NEB: variants seen among roughly 807,000 people sequenced by gnomAD.
NEB encodes the protein nemaline myopathy type 2.
In NEB, 512 loss-of-function variants were observed where a neutral mutation model predicts 952.2. That is an observed-to-expected ratio of 0.54 (90% CI 0.50 to 0.58). The LOEUF (loss-of-function observed/expected upper bound fraction) is 0.58. Ranked by LOEUF, NEB falls within the 20% of genes least tolerant of loss-of-function variation. NEB has a pLI of 0.00. For synonymous variants in NEB, 2,900 were observed against 3,149.8 expected, an observed-to-expected ratio of 0.92 and a Z score of 2.66; for missense variants, 8,428 against 9,231.1, an observed-to-expected ratio of 0.91 and a Z score of 3.56.
In NEB at chr2:151,727,682, G is replaced by T. The variant is rs1359644805; in HGVS notation, c.294+9C>A. On this transcript the variant is annotated intron_variant, in intron 5 of 181. Coordinates refer to ENST00000397345, the MANE Select transcript of NEB (RefSeq NM_001164508.2). ...CAAGCCAGGTTAGCAGAAGTTGTTT[G>T]AAACTTACTGGGCTAAAAAGATCCT... 2 of 1,607,656 alleles carry T rather than the reference G, an allele frequency of 1.2e-6. No individual in the cohort carries two copies. The highest frequency in any genetic ancestry group is 1.7e-6 in the Non-Finnish European group (2 of 1,174,830).
Position 151,678,092 on chromosome 2 carries a change from C to T in NEB, c.3351G>A (p.Val1117=). 1.2e-6 allele frequency: 2 copies of T among 1,613,798 alleles called. No individual in the cohort carries two copies. Among genetic ancestry groups the T allele is most frequent in the Non-Finnish European group, 1.7e-6 (2 of 1,179,764 alleles). ...DDPKLVHYMN[V]AKIQSDREYK... ...ACTCCCGATCTGATTGTATCTTGGC[C>T]ACGTTCATATAATGAACCAGTTTAG... is the stretch of plus-strand genomic sequence containing the variant. The change falls in exon 33 of 182, where the codon GTG becomes GTA. Residue 1117 remains valine (V), a synonymous_variant. Transcript: ENST00000397345.
Position 151,612,184 on chromosome 2 carries a change from A to G in NEB, c.11805+2T>C. On this transcript the variant is annotated splice_donor_variant, in intron 78 of 181. Transcript: ENST00000397345. LOFTEE classifies it high-confidence loss of function. ...GGCAACAGAAAACAGCTGGAGACTCACCTTGCTCATTGTCAGGGCATTATT... is the reference window on the plus strand; with the variant it reads ...GGCAACAGAAAACAGCTGGAGACTCGCCTTGCTCATTGTCAGGGCATTATT... 6.2e-7 allele frequency: 1 copy of G among 1,612,546 alleles called. No individual in the cohort carries two copies. The highest frequency in any genetic ancestry group is 8.5e-7 in the Non-Finnish European group (1 of 1,178,950).
intron 12 of NEB, among the ~76,000 whole-genome samples, chr2:151,708,791 T>C (rs1323346868): frequency 1.3e-5 from 2 of 152,184 alleles, no homozygotes; most frequent in African/African-American, 4.8e-5. Context: ...ACTTCTTCCA[T>C]AGTCTTCCCT....
rs1031020538 is a variant in NEB, at chr2:151,638,813, G to C, written c.8994+467C>G. On this transcript the variant is annotated intron_variant, in intron 63 of 181. Transcript: ENST00000397345. The stretch of plus-strand genomic sequence containing the variant: ...GACAGATATTTCTCTCTCTCTGTGT[G>C]TGTGTGTGTGTGTGTGTGTGTGTGT... Among the ~76,000 whole-genome samples the C allele has an allele frequency of 1.9e-3, 229 of 118,430 alleles. 1 individual carries two copies. The highest frequency in any genetic ancestry group is 0.011 in the South Asian group (48 of 4,350). The allele number at this position is 118,430 out of a possible 152,430, so 77.7% of individuals were successfully genotyped here. A position where few individuals can be genotyped will look rare whatever the true frequency, so the allele number is the denominator to read the frequency against.
intron 34 of NEB, among the ~76,000 whole-genome samples, chr2:151,676,253 C>T (rs2099358328): frequency 6.6e-6 from 1 of 152,184 alleles, no homozygotes; most frequent in South Asian, 2.1e-4. Flanking sequence ...TCCTCATTGC[C>T]TTTAAGAACA....
chr2:151,691,765 TA>T, intron 23 of NEB, 98 bp downstream of exon 23: 1 of 917,038 alleles, frequency 1.1e-6, no homozygotes, highest in Non-Finnish European at 1.7e-6. Flanking sequence ...TATCTCCTTC[TA>T]ATCACTAGAT....
intron 135 of NEB, among the ~76,000 whole-genome samples, chr2:151,542,925 A>G (rs571975658): frequency 6.6e-6 from 1 of 152,218 alleles, no homozygotes; most frequent in Non-Finnish European, 1.5e-5. Context: ...GCATCCTTCC[A>G]CACCCTCCAT....
intron 107 of NEB, among the ~76,000 whole-genome samples, chr2:151,571,169 CT>C (rs1278410867): frequency 2.0e-5 from 3 of 152,162 alleles, no homozygotes; most frequent in African/African-American, 7.2e-5. Context: ...CCAGGCCCAG[CT>C]AATTTTGTAT....
intron 77 of NEB, among the ~76,000 whole-genome samples, chr2:151,613,114 T>C (rs2098061857): frequency 6.6e-6 from 1 of 152,208 alleles, no homozygotes; most frequent in Non-Finnish European, 1.5e-5. Context: ...TCACTGCTTT[T>C]ATCATTCTTC....
At chr2:151,711,225 C>T (rs1481881914) in intron 10 of NEB, among the ~76,000 whole-genome samples, 1 of 152,142 alleles carries the variant, frequency 6.6e-6, no homozygotes, top group Non-Finnish European at 1.5e-5. Context: ...TAAACTGAGA[C>T]CATGATATGC....
At chr2:151,502,769 T>A in intron 167 of NEB, 24 bp downstream of exon 167, 1 of 1,349,884 alleles carries the variant, frequency 7.4e-7, no homozygotes, top group Non-Finnish European at 1.1e-6. Flanking sequence ...GGGATTTTTT[T>A]TTTTTTGGCC....
chr2:151,501,212 A>T (rs1390353762), intron 168 of NEB, among the ~76,000 whole-genome samples, 179 bp downstream of exon 168: 1 of 152,242 alleles, frequency 6.6e-6, no homozygotes, highest in African/African-American at 2.4e-5. Flanking sequence ...TAGAAAGTAT[A>T]AAATGTTTGT....
rs538665334 is a variant in NEB at position 151,661,737 on chromosome 2, C to A, written c.5970+398G>T. Reference sequence around the variant, plus strand: ...GCTGCTACAGGCATGTAATCTTGGACTTTTCTTTGATCCCATCAAAGCAGA... The same window carrying A: ...GCTGCTACAGGCATGTAATCTTGGAATTTTCTTTGATCCCATCAAAGCAGA... On this transcript the variant is annotated intron_variant, in intron 46 of 181. Coordinates refer to ENST00000397345, the MANE Select transcript of NEB (RefSeq NM_001164508.2). Among the ~76,000 whole-genome samples, 8 of 152,250 alleles carry A rather than the reference C, an allele frequency of 5.3e-5. No homozygotes were observed. In the South Asian group the frequency reaches 1.7e-3, roughly 32 times the overall value.
intron 107 of NEB, among the ~76,000 whole-genome samples, chr2:151,572,020 A>G (rs1319272492): frequency 1.3e-5 from 2 of 152,242 alleles, no homozygotes; most frequent in Non-Finnish European, 1.5e-5. Flanking sequence ...AATATTCTCC[A>G]TATTAAAATG....
At chr2:151,641,036 A>T (rs368941494) in intron 60 of NEB, among the ~76,000 whole-genome samples, 5 of 152,308 alleles carry the variant, frequency 3.3e-5, no homozygotes, top group African/African-American at 1.2e-4. Flanking sequence ...TATATGCTCA[A>T]TGATCCAAAA....
intron 172 of NEB, 67 bp from the exon 173 acceptor site, chr2:151,496,435 G>GGGTAA: frequency 1.3e-6 from 2 of 1,524,434 alleles, no homozygotes; most frequent in Non-Finnish European, 1.8e-6. Context: ...GAGGTTTTAA[G>GGGTAA]GGTAAGGTCA....
chr2:151,628,769 G>C (rs918979522), intron 68 of NEB, among the ~76,000 whole-genome samples: 14 of 152,142 alleles, frequency 9.2e-5, no homozygotes, highest in African/African-American at 3.1e-4. Context: ...GGCTGAGGCA[G>C]GAGAATCACT....
At chr2:151,650,425 A>C (rs760402191) in intron 53 of NEB, 46 bp from the exon 54 acceptor site, 8 of 1,580,186 alleles carry the variant, frequency 5.1e-6, no homozygotes, top group Admixed American at 3.4e-5. Flanking sequence ...TCTCACCTGG[A>C]CCCTTGATTC....
At chr2:151,577,553 G>C (rs189026131) in intron 105 of NEB, among the ~76,000 whole-genome samples, 1 of 152,276 alleles carries the variant, frequency 6.6e-6, no homozygotes, top group East Asian at 1.9e-4. Flanking sequence ...GGTTATCAAT[G>C]TGAACTCCCT....
Sources: gnomAD v4.1 joint callset for allele counts (sites outside exome capture counted in the v4.1 genomes callset) on GRCh38, gnomAD v4.1.1 for gene constraint, MANE v1.5 for transcripts, NCBI Gene and HGNC (gene_info 2026-07-23, HGNC 2026-07-21) for gene names.